Variants in SERPINA5 observed in about 807,000 individuals in gnomAD.
The protein encoded by SERPINA5 is plasma serine protease inhibitor.
In SERPINA5, 25 loss-of-function variants were observed where a neutral mutation model predicts 25.3. That is an observed-to-expected ratio of 0.99 (90% CI 0.72 to 1.38). The LOEUF is 1.38. Ranked by LOEUF, SERPINA5 falls within the 40% of genes most tolerant of loss-of-function variation. The probability of loss-of-function intolerance (pLI) is 0.00; values close to 1 mark genes in which losing one functional copy is unlikely to be tolerated. For missense variants in SERPINA5, 599 were observed against 509.5 expected, an observed-to-expected ratio of 1.18 and a Z score of -1.69; for synonymous variants, 234 against 206.2, an observed-to-expected ratio of 1.14 and a Z score of -1.16.
At chr14:94,585,329 C>A (rs531754926) in intron 2 of SERPINA5, among the ~76,000 whole-genome samples, 6 of 151,962 alleles carry the variant, frequency 3.9e-5, no homozygotes, top group Non-Finnish European at 5.9e-5. Flanking sequence ...GTGCCAGGTT[C>A]GATTCTGCAG....
At position 94,587,588 on chromosome 14, in the gene SERPINA5, C is replaced by T. The variant is rs142846290; in HGVS notation, c.226C>T (p.Leu76=). ...CTCCCCTGTGAGCATCTCCATGAGC[C>T]TGGCCATGCTCTCCCTGGGGGCTGG... ...FFSPVSISMS[L]AMLSLGAGSS... Residue 76 remains leucine, a synonymous_variant, in exon 3 of 6, where the codon CTG becomes TTG. Coordinates refer to ENST00000329597, the MANE Select transcript of SERPINA5 (RefSeq NM_000624.6). 1.2e-6 allele frequency: 2 copies of T among 1,614,066 alleles called. No individual in the cohort carries two copies. Among genetic ancestry groups the T allele is most frequent in the Admixed American group, 1.7e-5 (1 of 60,020 alleles).
intron 3 of SERPINA5, among the ~76,000 whole-genome samples, chr14:94,589,137 T>C (rs964093214): frequency 2.6e-5 from 4 of 152,172 alleles, no homozygotes; most frequent in Non-Finnish European, 5.9e-5. Context: ...GGGGTCTTCC[T>C]TCGATAACGA....
chr14:94,591,574 A>ATTCTATTCTATTCTATTC (rs1885299380), intron 5 of SERPINA5, among the ~76,000 whole-genome samples: 3 of 149,162 alleles, frequency 2.0e-5, no homozygotes, highest in African/African-American at 7.5e-5. Context: ...ATTCTATTCT[A>ATTCTATTCTATTCTATTC]TTCTATTCTA....
rs1387431828 is a variant in SERPINA5 at position 94,590,871 on chromosome 14, AC to A, written c.1015del (p.His339ThrfsTer39). The part of the protein sequence containing the change: ...TSHADLSGIS[N>X]HSNIQVSEMV... ...CATGCTGATCTGTCCGGCATCAGCA[AC>A]CACTCAAATATCCAGGTGTCTGAGG... On this transcript the variant is annotated frameshift_variant, in exon 5 of 6. Transcript: ENST00000329597. LOFTEE classifies it low-confidence loss of function (END_TRUNC). 3.7e-6 allele frequency: 6 copies of A among 1,612,530 alleles called. No individual in the cohort carries two copies.
Position 94,588,151 on chromosome 14 carries a change from C to A in SERPINA5, c.619+170C>A, listed in dbSNP as rs78880973. Reference sequence around the variant, plus strand: ...GCAGCCAGAGAAGGTAAGATGAATGCCTTCTTGCTGTGGATGGGATTAGTG... The same window carrying A: ...GCAGCCAGAGAAGGTAAGATGAATGACTTCTTGCTGTGGATGGGATTAGTG... On this transcript the variant is annotated intron_variant, in intron 3 of 5. Coordinates refer to ENST00000329597, the MANE Select transcript of SERPINA5 (RefSeq NM_000624.6). 2.5e-4 allele frequency among the ~76,000 whole-genome samples: 38 copies of A among 152,238 alleles called. No homozygotes were observed. In the East Asian group the frequency reaches 7.3e-3, roughly 29 times the overall value.
At chr14:94,587,231 C>T (rs1885119942) in intron 2 of SERPINA5, 115 bp from the exon 3 acceptor site, 1 of 1,011,234 alleles carries the variant, frequency 9.9e-7, no homozygotes, top group Non-Finnish European at 1.4e-6. Context: ...CATCCCTTCT[C>T]TTTGAAGCTG....
Position 94,590,131 on chromosome 14 carries a change from G to A in SERPINA5, c.710G>A (p.Ser237Asn), listed in dbSNP as rs775074121. ...ACTGTGGTGCGGGTACCCATGATGAGCCGCGAGGATCAGTATCACTACCTC... is the reference window on the plus strand; with the variant it reads ...ACTGTGGTGCGGGTACCCATGATGAACCGCGAGGATCAGTATCACTACCTC... ...SETVVRVPMM[S>N]REDQYHYLLD... Residue 237 changes from serine to asparagine, a missense_variant, in exon 4 of 6, where the codon AGC becomes AAC. Coordinates refer to ENST00000329597, the MANE Select transcript of SERPINA5 (RefSeq NM_000624.6). The A allele has an allele frequency of 6.2e-6, 10 of 1,614,016 alleles. No individual in the cohort carries two copies. In the Admixed American group the frequency reaches 8.3e-5, roughly 13 times the overall value.
At chr14:94,591,046 A>T in intron 5 of SERPINA5, 150 bp downstream of exon 5, 1 of 574,316 alleles carries the variant, frequency 1.7e-6, no homozygotes, top group Admixed American at 3.8e-5. Flanking sequence ...ATTCCACTCC[A>T]CTCCACTCCA....
rs369065976 is a variant in SERPINA5 at position 94,590,135 on chromosome 14, C to G, written c.714C>G (p.Arg238=). 60 of 1,613,984 alleles carry G rather than the reference C, an allele frequency of 3.7e-5. No individual in the cohort carries two copies. Among genetic ancestry groups the G allele is most frequent in the Admixed American group, 1.5e-4 (9 of 59,996 alleles). ...TGGTGCGGGTACCCATGATGAGCCG[C>G]GAGGATCAGTATCACTACCTCCTGG... is the stretch of plus-strand genomic sequence containing the variant. ...ETVVRVPMMS[R]EDQYHYLLDR... is the part of the protein sequence containing the mutation. Residue 238 remains arginine, a synonymous_variant, in exon 4 of 6, where the codon CGC becomes CGG. Coordinates refer to ENST00000329597, the MANE Select transcript of SERPINA5 (RefSeq NM_000624.6).
chr14:94,587,242 A>G lies in SERPINA5; in HGVS notation c.-17-104A>G, dbSNP rs576183249. The G allele has an allele frequency of 7.3e-6, 8 of 1,096,294 alleles. No individual in the cohort carries two copies. In the African/African-American group the frequency reaches 1.3e-4, roughly 17 times the overall value. The allele number at this position is 1,096,294 out of a possible 1,614,324, so 67.9% of individuals were successfully genotyped here. ...GTGCCATCCCTTCTCTTTGAAGCTG[A>G]ATGGACCAAACATACCCATTGAGTG... On this transcript the variant is annotated intron_variant, in intron 2 of 5. Coordinates refer to ENST00000329597, the MANE Select transcript of SERPINA5 (RefSeq NM_000624.6).
chr14:94,591,549 GTTCTATTCTA>G (rs59712526), intron 5 of SERPINA5, among the ~76,000 whole-genome samples: 1,555 of 108,286 alleles, frequency 0.014, 34 homozygotes, highest in African/African-American at 0.038. Context: ...ATTCTGTTCT[GTTCTATTCTA>G]TTCTATTCTA....
rs557584359 is a variant in SERPINA5, at chr14:94,592,452, G to A, written c.*213G>A. 1.1e-4 allele frequency: 56 copies of A among 526,816 alleles called. No individual in the cohort carries two copies. The highest frequency in any genetic ancestry group is 2.5e-4 in the African/African-American group (13 of 52,248). The allele number at this position is 526,816 out of a possible 1,614,324, so 32.6% of individuals were successfully genotyped here. ...AATGTGGAGAACATTCAATCTTGCC[G>A]TCACTATTCATCAATGAAGATTAAC... On this transcript the variant is annotated 3_prime_UTR_variant, in exon 6 of 6. Coordinates refer to ENST00000329597, the MANE Select transcript of SERPINA5 (RefSeq NM_000624.6).
intron 2 of SERPINA5, 47 bp from the exon 3 acceptor site, chr14:94,587,299 C>A: frequency 6.6e-7 from 1 of 1,508,936 alleles, no homozygotes; most frequent in Non-Finnish European, 8.8e-7. Flanking sequence ...AAGTCAGCAC[C>A]TGGACCAGCT....
At position 94,590,278 on chromosome 14, in the gene SERPINA5, C is replaced by A. The variant is rs747623104; in HGVS notation, c.857C>A (p.Thr286Lys). The change falls in exon 4 of 6, where the codon ACG (threonine) becomes AAG (lysine). Residue 286 changes from threonine to lysine, a missense_variant. Thr to Lys is a moderately conservative substitution (Grantham distance 78, BLOSUM62 -1). Transcript: ENST00000329597. ...QQVENGLSEK[T>K]LRKWLKMFKK... ...GTGGAGAATGGACTGAGTGAGAAAA[C>A]GCTGAGGAAGTGGCTTAAGATGTTC... The A allele has an allele frequency of 6.2e-7, 1 of 1,609,888 alleles. No individual in the cohort carries two copies. Among genetic ancestry groups the A allele is most frequent in the East Asian group, 2.2e-5 (1 of 44,778 alleles).
Position 94,581,623 on chromosome 14 carries a change from A to G in SERPINA5, c.-105A>G, listed in dbSNP as rs959845557. ...GAGTCTCATCTCTGCAGTTTCAGGT[A>G]TCCAAGGCAGCAGAGGTGAGTGGGT... On this transcript the variant is annotated 5_prime_UTR_variant, in exon 2 of 6. Coordinates refer to ENST00000329597, the MANE Select transcript of SERPINA5 (RefSeq NM_000624.6). 1 of 152,220 alleles carries G rather than the reference A, an allele frequency of 6.6e-6. No homozygotes were observed. The highest frequency in any genetic ancestry group is 2.4e-5 in the African/African-American group (1 of 41,448). 9.4% of individuals were successfully genotyped at this position (152,220 alleles called of 1,614,324 possible).
chr14:94,590,995 AACTCCACTCC>A lies in SERPINA5; in HGVS notation c.1038+116_1038+125del, dbSNP rs3065874. The A allele has an allele frequency of 7.1e-6, 8 of 1,120,520 alleles. No homozygotes were observed. In the African/African-American group the frequency reaches 8.0e-5, roughly 11 times the overall value. 69.4% of individuals were successfully genotyped at this position (1,120,520 alleles called of 1,614,324 possible). ...CATTTCATTCCATTCCATTCCACTC[AACTCCACTCC>A]ACTCCACTCCACTCCAGTTCACTCT... On this transcript the variant is annotated intron_variant, in intron 5 of 5. Transcript: ENST00000329597.
At chr14:94,590,957 T>G (rs2069987) in intron 5 of SERPINA5, 61 bp downstream of exon 5, 89,713 of 1,508,864 alleles carry the variant, frequency 0.059, 3,344 homozygotes, top group East Asian at 0.16. Context: ...ATTCTTTCTA[T>G]TCTACTCTAC....
chr14:94,587,632 G>T lies in SERPINA5; in HGVS notation c.270G>T (p.Gln90His), dbSNP rs1301471644. 8 of 1,613,986 alleles carry T rather than the reference G, an allele frequency of 5.0e-6. No homozygotes were observed. In the East Asian group the frequency reaches 1.8e-4, roughly 36 times the overall value. The change falls in exon 3 of 6, where the codon CAG becomes CAT. Residue 90 changes from glutamine to histidine, a missense_variant. By Grantham distance (24) the Gln-to-His change is conservative (BLOSUM62 0). Transcript: ENST00000329597. ...SLGAGSSTKM[Q>H]ILEGLGLNLQ... ...GGGCTGGGTCCAGCACAAAGATGCA[G>T]ATCCTGGAGGGCCTGGGCCTCAACC...
At chr14:94,589,657 T>C (rs1203723035) in intron 3 of SERPINA5, among the ~76,000 whole-genome samples, 1 of 152,150 alleles carries the variant, frequency 6.6e-6, no homozygotes, top group Admixed American at 6.5e-5. Context: ...GGAATGAAAG[T>C]GCAAACAGAG....
Sources: gnomAD v4.1 joint callset for allele counts (sites outside exome capture counted in the v4.1 genomes callset) on GRCh38, gnomAD v4.1.1 for gene constraint, MANE v1.5 for transcripts, NCBI Gene and HGNC (gene_info 2026-07-23, HGNC 2026-07-21) for gene names.